The following ZNRF3 variants were observed in gnomAD, a reference collection of about 807,000 sequenced individuals.
ZNRF3 encodes E3 ubiquitin-protein ligase ZNRF3.
A neutral mutation model predicts 72.5 loss-of-function variants in ZNRF3; 23 were observed. The observed-to-expected ratio is 0.32, with a 90% CI of 0.23 to 0.45. ZNRF3 has a LOEUF of 0.45. ZNRF3 is among the 20% of genes least tolerant of loss of function. ZNRF3 has a pLI of 1.00. For synonymous variants in ZNRF3, 610 were observed against 545.3 expected (o/e 1.12, Z -1.65); for missense variants, 1,169 against 1,272.1 (o/e 0.92, Z 1.23).
chr22:28,895,388 C>G (rs1345969812), intron 1 of ZNRF3, among the ~76,000 whole-genome samples: 7 of 152,216 alleles, frequency 4.6e-5, no homozygotes, highest in Non-Finnish European at 7.3e-5. Context: ...CTTGAAAATG[C>G]TGTGACTCCG....
At chr22:28,913,378 C>T (rs944738080) in intron 1 of ZNRF3, among the ~76,000 whole-genome samples, 1 of 152,190 alleles carries the variant, frequency 6.6e-6, no homozygotes, top group South Asian at 2.1e-4. Flanking sequence ...GATCACAGAA[C>T]TTTTTCTCAA....
intron 1 of ZNRF3, chr22:28,917,559 G>A (rs2123765501): frequency 3.5e-6 from 2 of 569,996 alleles, no homozygotes; most frequent in African/African-American, 4.1e-5. Flanking sequence ...GTATATAAAA[G>A]CTCTTATAGC....
Position 29,043,440 on chromosome 22 carries a change from C to G in ZNRF3, c.633+10C>G. The G allele has an allele frequency of 6.2e-7, 1 of 1,612,856 alleles. No homozygotes were observed. The highest frequency in any genetic ancestry group is 1.1e-5 in the South Asian group (1 of 91,002). The stretch of plus-strand genomic sequence containing the variant: ...GCACCGCCCTCCTCGAGTGAGCCTC[C>G]GCACCATTTGGCACAGGCTCGGGGC... On this transcript the variant is annotated intron_variant, in intron 4 of 8. Coordinates refer to ENST00000544604, the MANE Select transcript of ZNRF3 (RefSeq NM_001206998.2).
intron 2 of ZNRF3, among the ~76,000 whole-genome samples, chr22:29,019,039 C>T (rs1191727456): frequency 1.3e-5 from 2 of 151,344 alleles, no homozygotes; most frequent in Non-Finnish European, 2.9e-5. Flanking sequence ...TAGCCATGCC[C>T]TCTCAACATG....
At chr22:28,953,975 C>T (rs1215138724) in intron 1 of ZNRF3, among the ~76,000 whole-genome samples, 5 of 152,010 alleles carry the variant, frequency 3.3e-5, no homozygotes, top group Non-Finnish European at 5.9e-5. Flanking sequence ...GAAAATGGGG[C>T]GATTGTGGTT....
intron 2 of ZNRF3, among the ~76,000 whole-genome samples, chr22:28,996,500 C>G (rs2036047934): frequency 6.6e-6 from 1 of 152,190 alleles, no homozygotes; most frequent in Non-Finnish European, 1.5e-5. Context: ...GGTCTGTAAT[C>G]TGAGTTCATT....
intron 1 of ZNRF3, among the ~76,000 whole-genome samples, chr22:28,895,307 T>C (rs1259637918): frequency 6.6e-6 from 1 of 152,204 alleles, no homozygotes; most frequent in African/African-American, 2.4e-5. Context: ...CTTCAGGATC[T>C]TTGCTCCTTC....
At chr22:29,035,393 T>C (rs1241030098) in intron 2 of ZNRF3, among the ~76,000 whole-genome samples, 2 of 152,192 alleles carry the variant, frequency 1.3e-5, no homozygotes, top group African/African-American at 4.8e-5. Flanking sequence ...TACGTGCCTC[T>C]TAGGGAGATG....
intron 1 of ZNRF3, 35 bp from the exon 2 acceptor site, chr22:28,987,041 G>A (rs1292315719): frequency 6.3e-7 from 1 of 1,591,706 alleles, no homozygotes; most frequent in Non-Finnish European, 8.5e-7. Context: ...TGTGTAGCTT[G>A]CCTGCTGAAG....
intron 2 of ZNRF3, among the ~76,000 whole-genome samples, chr22:29,022,906 T>G (rs945924100): frequency 5.3e-5 from 8 of 152,182 alleles, no homozygotes; most frequent in Admixed American, 2.6e-4. Flanking sequence ...CAAGTATAAT[T>G]TGGTTACATG....
intron 2 of ZNRF3, 40 bp downstream of exon 2, chr22:28,987,241 G>C (rs368841675): frequency 6.3e-7 from 1 of 1,586,148 alleles, no homozygotes; most frequent in African/African-American, 1.4e-5. Flanking sequence ...TTTCTGGTTG[G>C]TGTTTTCCAC....
intron 1 of ZNRF3, among the ~76,000 whole-genome samples, chr22:28,982,644 AT>A (rs2035786180): frequency 1.3e-5 from 2 of 151,844 alleles, no homozygotes; most frequent in Admixed American, 1.3e-4. Flanking sequence ...TTCCCATAAA[AT>A]GCAAATGAAA....
At chr22:28,980,308 C>T (rs547975303) in intron 1 of ZNRF3, among the ~76,000 whole-genome samples, 17 of 152,232 alleles carry the variant, frequency 1.1e-4, no homozygotes, top group African/African-American at 3.9e-4. Context: ...CACTAAAAGC[C>T]CAGATTTCCC....
intron 1 of ZNRF3, among the ~76,000 whole-genome samples, chr22:28,918,368 G>A (rs1843618802): frequency 6.6e-6 from 1 of 152,166 alleles, no homozygotes; most frequent in South Asian, 2.1e-4. Context: ...TTCTCTTCCA[G>A]GGAGTTTGCT....
chr22:29,003,513 C>CAAA (rs796336147), intron 2 of ZNRF3, among the ~76,000 whole-genome samples: 1,663 of 103,168 alleles, frequency 0.016, 28 homozygotes, highest in East Asian at 0.065. Flanking sequence ...GACTCCGACT[C>CAAA]AAAAAAAAAA....
At position 29,054,722 on chromosome 22, in the gene ZNRF3, G is replaced by A. The variant is rs575278105; in HGVS notation, c.*1100G>A. The A allele has an allele frequency of 1.3e-3, 196 of 152,742 alleles. 1 individual carries two copies. The highest frequency in any genetic ancestry group is 4.5e-3 in the East Asian group (23 of 5,168). 9.5% of individuals were successfully genotyped at this position (152,742 alleles called of 1,614,324 possible). A position where few individuals can be genotyped will look rare whatever the true frequency, so the allele number is the denominator to read the frequency against. Reference sequence around the variant, plus strand: ...CCAGCAGCACACCCATGTGCAGTGCGCCTGCATCTGTGTGGGGGCAGCCAC... The same window carrying A: ...CCAGCAGCACACCCATGTGCAGTGCACCTGCATCTGTGTGGGGGCAGCCAC... On this transcript the variant is annotated 3_prime_UTR_variant, in exon 9 of 9. Coordinates refer to ENST00000544604, the MANE Select transcript of ZNRF3 (RefSeq NM_001206998.2).
Position 29,049,728 on chromosome 22 carries a change from C to A in ZNRF3, c.1547C>A (p.Ala516Asp). The change falls in exon 8 of 9, where the codon GCC (alanine) becomes GAC (aspartate). Residue 516 changes from alanine (A) to aspartate (D), a missense_variant. Transcript: ENST00000544604. The surrounding 1 kb of genome is among the most constrained non-coding windows in gnomAD (Gnocchi z 5.2). ...SLLFPTVVHV[A>D]PPSHLESGST... The stretch of plus-strand genomic sequence containing the variant: ...CTCTTCCCCACCGTGGTGCACGTGG[C>A]CCCGCCCTCCCACCTGGAGAGCGGC... The A allele has an allele frequency of 1.3e-6, 2 of 1,597,974 alleles. No homozygotes were observed. Among genetic ancestry groups the A allele is most frequent in the Non-Finnish European group, 1.7e-6 (2 of 1,171,986 alleles).
intron 1 of ZNRF3, among the ~76,000 whole-genome samples, chr22:28,923,725 A>G (rs1045254235): frequency 6.6e-6 from 1 of 152,262 alleles, no homozygotes; most frequent in African/African-American, 2.4e-5. Flanking sequence ...TAAAATATCT[A>G]TAAAAGCTTC....
chr22:28,890,003 G>T (rs2033856324), intron 1 of ZNRF3, among the ~76,000 whole-genome samples: 1 of 152,220 alleles, frequency 6.6e-6, no homozygotes, highest in Admixed American at 6.5e-5. Flanking sequence ...ATGAATAAAT[G>T]ATGGAGAGTG....
Sources: allele counts gnomAD v4.1 joint callset (sites outside exome capture counted in the v4.1 genomes callset), GRCh38; gene constraint gnomAD v4.1.1; non-coding constraint Gnocchi (gnomAD v3.1); transcripts MANE v1.5; gene names NCBI Gene and HGNC (gene_info 2026-07-23, HGNC 2026-07-21).